Variants in DMD observed in about 807,000 individuals in gnomAD.
The protein encoded by DMD is dystrophin.
In DMD, 63 loss-of-function variants were observed where a neutral mutation model predicts 330.1. The ratio of observed to expected loss-of-function variants is 0.19; its 90% CI spans 0.16 to 0.24. The LOEUF is 0.24. Ranked by LOEUF, DMD falls within the 10% of genes least tolerant of loss-of-function variation. DMD has a pLI of 1.00. For synonymous variants in DMD, 1,223 were observed against 959.8 expected, an observed-to-expected ratio of 1.27 and a Z score of -5.07; for missense variants, 3,344 against 2,684.1, an observed-to-expected ratio of 1.25 and a Z score of -5.43.
intron 37 of DMD, among the ~76,000 whole-genome samples, chrX:32,360,841 C>G (rs935335803): frequency 1.1e-5 from 1 of 88,698 alleles, no homozygotes; most frequent in South Asian, 5.6e-4. Context: ...TGAATATTCA[C>G]TGGAAATTTC....
Position 33,142,246 on chromosome X carries a change from C to T in DMD, c.31+69036G>A, listed in dbSNP as rs753362012. Among the ~76,000 whole-genome samples the T allele has an allele frequency of 8.1e-5, 9 of 111,778 alleles. No individual in the cohort carries two copies. In the South Asian group the frequency reaches 1.5e-3, roughly 19 times the overall value. ...GATTACAGGCATGTGCCACCATGCT[C>T]GGCTAATTTTGCGTTTTTAGTAGAG... is the stretch of plus-strand genomic sequence containing the variant. On this transcript the variant is annotated intron_variant, in intron 1 of 78. Transcript: ENST00000357033.
At chrX:33,179,853 T>C (rs1454685909) in intron 1 of DMD, among the ~76,000 whole-genome samples, 34 of 108,332 alleles carry the variant, frequency 3.1e-4, no homozygotes, top group African/African-American at 9.8e-4. Context: ...TTTTTTTTTT[T>C]CCTCTGAGAT....
chrX:32,767,234 C>G (rs934908458), intron 7 of DMD, among the ~76,000 whole-genome samples: 1 of 111,221 alleles, frequency 9.0e-6, no homozygotes, highest in Non-Finnish European at 1.9e-5. Context: ...TTAAAGGGAA[C>G]CCTGGTGTAA....
intron 2 of DMD, among the ~76,000 whole-genome samples, chrX:32,976,349 C>T (rs748396482): frequency 4.5e-5 from 5 of 111,438 alleles, no homozygotes; most frequent in South Asian, 3.8e-4. Context: ...GCTCTAAGGA[C>T]GCCAGACATC....
chrX:33,117,405 T>C (rs2095393148), intron 1 of DMD, among the ~76,000 whole-genome samples: 1 of 111,370 alleles, frequency 9.0e-6, no homozygotes. Context: ...AGGTGAAGGA[T>C]ATATTAATTA....
At chrX:32,910,544 C>T (rs1389602173) in intron 2 of DMD, among the ~76,000 whole-genome samples, 1 of 111,079 alleles carries the variant, frequency 9.0e-6, no homozygotes, top group East Asian at 2.8e-4. Flanking sequence ...AAGCGATTCT[C>T]CTGCCTCAGC....
At chrX:33,037,563 G>T (rs1339583954) in intron 1 of DMD, among the ~76,000 whole-genome samples, 1 of 111,283 alleles carries the variant, frequency 9.0e-6, no homozygotes, top group African/African-American at 3.3e-5. Flanking sequence ...CACAAACACA[G>T]ATAGGGGTGA....
chrX:33,041,797 G>A (rs1459693180), intron 1 of DMD: 50 of 981,704 alleles, frequency 5.1e-5, no homozygotes, highest in Non-Finnish European at 6.7e-5. Flanking sequence ...TGACCACTGC[G>A]GTGTGTTCAA....
chrX:32,951,370 G>A (rs1382310716), intron 2 of DMD, among the ~76,000 whole-genome samples: 1 of 111,672 alleles, frequency 9.0e-6, no homozygotes, highest in East Asian at 2.8e-4. Context: ...ATTTTAAGGG[G>A]AAAATATCAA....
chrX:32,623,624 C>A (rs767444901), intron 11 of DMD, among the ~76,000 whole-genome samples: 2 of 107,889 alleles, frequency 1.9e-5, no homozygotes, highest in Non-Finnish European at 3.8e-5. Context: ...ACCTCCCAGG[C>A]CCAAATGATC....
chrX:33,029,102 T>A (rs1020935229), intron 1 of DMD, among the ~76,000 whole-genome samples: 14 of 111,489 alleles, frequency 1.3e-4, no homozygotes, highest in Admixed American at 8.6e-4. Flanking sequence ...ATCTACTAAG[T>A]CCTAGACCAA....
intron 13 of DMD, among the ~76,000 whole-genome samples, chrX:32,585,483 C>T (rs780525799): frequency 1.8e-5 from 2 of 109,375 alleles, no homozygotes; most frequent in African/African-American, 6.6e-5. Context: ...TGGCGGATCA[C>T]GAGGTCAGGA....
intron 1 of DMD, among the ~76,000 whole-genome samples, chrX:33,279,429 T>C (rs1056509903): frequency 3.8e-5 from 4 of 104,467 alleles, no homozygotes; most frequent in African/African-American, 1.4e-4. Context: ...TAATATTCCA[T>C]GGTATGCATG....
At chrX:33,069,787 A>G (rs1346377220) in intron 1 of DMD, among the ~76,000 whole-genome samples, 1 of 111,776 alleles carries the variant, frequency 8.9e-6, no homozygotes, top group African/African-American at 3.2e-5. Context: ...TAAGGAATCC[A>G]AGAAAAACAC....
chrX:32,381,888 A>C (rs2097926968), intron 33 of DMD, among the ~76,000 whole-genome samples: 1 of 110,921 alleles, frequency 9.0e-6, no homozygotes, highest in African/African-American at 3.3e-5. Flanking sequence ...GAATGTAAGT[A>C]TGTTAGGCTC....
chrX:32,012,527 G>A (rs2095718014), intron 44 of DMD, among the ~76,000 whole-genome samples: 1 of 111,456 alleles, frequency 9.0e-6, no homozygotes. Context: ...AGCTTTCAAG[G>A]CTACAACTCT....
chrX:32,267,537 G>A (rs1379758969), intron 43 of DMD, among the ~76,000 whole-genome samples: 11 of 112,155 alleles, frequency 9.8e-5, no homozygotes, highest in Non-Finnish European at 7.5e-5. Context: ...CCAAAACTGT[G>A]CATAAAGTCA....
At chrX:32,682,741 G>A (rs899666299) in intron 9 of DMD, among the ~76,000 whole-genome samples, 4 of 111,775 alleles carry the variant, frequency 3.6e-5, no homozygotes, top group African/African-American at 1.3e-4. Flanking sequence ...CTACCTTTGA[G>A]ACATGTAATA....
At chrX:31,710,417 G>A (rs1481294897) in intron 52 of DMD, among the ~76,000 whole-genome samples, 1 of 111,135 alleles carries the variant, frequency 9.0e-6, no homozygotes, top group Non-Finnish European at 1.9e-5. Context: ...CATCTGAGAT[G>A]AATTGTCTGT....
Sources: gnomAD v4.1 joint callset for allele counts (sites outside exome capture counted in the v4.1 genomes callset) on GRCh38, gnomAD v4.1.1 for gene constraint, MANE v1.5 for transcripts, NCBI Gene and HGNC (gene_info 2026-07-23, HGNC 2026-07-21) for gene names.